Variants in ARMC9 observed in about 807,000 individuals in gnomAD.
ARMC9 encodes lisH domain-containing protein ARMC9.
ARMC9 carries 94 observed loss-of-function variants against 107.0 expected under a neutral mutation model. The ratio of observed to expected loss-of-function variants is 0.88; its 90% CI spans 0.74 to 1.04. The LOEUF (loss-of-function observed/expected upper bound fraction) is 1.04. ARMC9 is among the 50% of genes least tolerant of loss of function. ARMC9 has a pLI of 0.00. For synonymous variants in ARMC9, 380 were observed against 396.9 expected, an observed-to-expected ratio of 0.96 and a Z score of 0.51; for missense variants, 942 against 1,030.1, an observed-to-expected ratio of 0.91 and a Z score of 1.17.
rs533987159 is a variant in ARMC9 at position 231,371,616 on chromosome 2, G to A, written c.*81G>A. On this transcript the variant is annotated 3_prime_UTR_variant, in exon 25 of 25. Transcript: ENST00000611582. ...TCAGCTGGCAGCAGCTGCCGGTGAT[G>A]GATGTGAAGGGACAGTTGTCCACAA... 8.4e-7 allele frequency: 1 copy of A among 1,185,604 alleles called. No homozygotes were observed. The highest frequency in any genetic ancestry group is 3.2e-5 in the East Asian group (1 of 31,472). The allele number at this position is 1,185,604 out of a possible 1,614,324, so 73.4% of individuals were successfully genotyped here.
rs112388463 is a variant in ARMC9, at chr2:231,345,965, C to T, written c.1994+875C>T. On this transcript the variant is annotated intron_variant, in intron 21 of 24. Transcript: ENST00000611582. ...GCCCTCATGGAGCTCTGTGCTGCCA[C>T]GGACACCAGGGACACCAGGCAAGAC... Among the ~76,000 whole-genome samples, 696 of 152,290 alleles carry T rather than the reference C, an allele frequency of 4.6e-3. 3 individuals carry two copies. Among genetic ancestry groups the T allele is most frequent in the African/African-American group, 0.015 (621 of 41,560 alleles).
chr2:231,272,839 AT>A, intron 13 of ARMC9, 115 bp from the exon 14 acceptor site: 1 of 1,349,040 alleles, frequency 7.4e-7, no homozygotes, highest in South Asian at 1.4e-5. Flanking sequence ...AGAACATAAA[AT>A]TACCCAAACT....
intron 10 of ARMC9, among the ~76,000 whole-genome samples, chr2:231,258,329 G>T (rs550723023): frequency 5.9e-5 from 9 of 152,004 alleles, no homozygotes; most frequent in African/African-American, 2.2e-4. Flanking sequence ...CTACAGGCGC[G>T]TGTCACTATG....
chr2:231,217,620 C>A (rs2125325475), intron 5 of ARMC9, among the ~76,000 whole-genome samples: 1 of 151,882 alleles, frequency 6.6e-6, no homozygotes, highest in Admixed American at 6.6e-5. Flanking sequence ...GCTCGAATGG[C>A]AACCTAACAA....
chr2:231,206,841 G>A (rs2032072357), intron 2 of ARMC9, among the ~76,000 whole-genome samples: 1 of 152,186 alleles, frequency 6.6e-6, no homozygotes, highest in South Asian at 2.1e-4. Context: ...AAACTTTCTG[G>A]TGCTAAAGAA....
intron 5 of ARMC9, among the ~76,000 whole-genome samples, chr2:231,217,070 A>G (rs1225250400): frequency 6.6e-6 from 1 of 152,228 alleles, no homozygotes; most frequent in Non-Finnish European, 1.5e-5. Flanking sequence ...AGCAAAAACT[A>G]GGAACAACCC....
At chr2:231,285,641 G>A (rs565091508) in intron 17 of ARMC9, among the ~76,000 whole-genome samples, 19 of 134,976 alleles carry the variant, frequency 1.4e-4, no homozygotes, top group East Asian at 1.1e-3. Context: ...GTGAGACTCC[G>A]TCTCAAAAAA....
chr2:231,265,461 T>A (rs1252565761), intron 12 of ARMC9, among the ~76,000 whole-genome samples: 1 of 152,194 alleles, frequency 6.6e-6, no homozygotes, highest in African/African-American at 2.4e-5. Flanking sequence ...TGGATGGAGC[T>A]GGAGGCCTTA....
At position 231,282,106 on chromosome 2, in the gene ARMC9, A is replaced by G. The variant is rs562674810; in HGVS notation, c.1599A>G (p.Pro533=). 1 of 1,614,124 alleles carries G rather than the reference A, an allele frequency of 6.2e-7. No individual in the cohort carries two copies. ...CTCTGTACAGCATCCTTTCTGTTCC[A>G]TCCATTCGTGAGGAAGCAAGAGCAA... The part of the protein sequence containing the change: ...NGALYSILSV[P]SIREEARAMG... Residue 533 remains proline (P), a synonymous_variant, in exon 17 of 25, where the codon CCA becomes CCG. Transcript: ENST00000611582.
intron 12 of ARMC9, among the ~76,000 whole-genome samples, chr2:231,268,922 C>G (rs1397558193): frequency 1.3e-5 from 2 of 152,012 alleles, no homozygotes; most frequent in Admixed American, 6.6e-5. Context: ...TTTAAATTAA[C>G]CAGGCATGTT....
At chr2:231,261,353 T>G (rs1278649524) in intron 11 of ARMC9, among the ~76,000 whole-genome samples, 1 of 152,238 alleles carries the variant, frequency 6.6e-6, no homozygotes, top group Non-Finnish European at 1.5e-5. Context: ...TGTAGCAACA[T>G]GACAGACTTA....
chr2:231,250,881 C>T (rs1426846687), intron 9 of ARMC9, among the ~76,000 whole-genome samples: 3 of 152,028 alleles, frequency 2.0e-5, no homozygotes, highest in African/African-American at 7.3e-5. Context: ...TTGCTCAGTC[C>T]CTGTGTTTGC....
chr2:231,271,908 T>G (rs924674608), intron 13 of ARMC9, among the ~76,000 whole-genome samples: 11 of 152,158 alleles, frequency 7.2e-5, no homozygotes, highest in African/African-American at 2.4e-4. Flanking sequence ...AAGCATTCCT[T>G]GGCTGCCTCT....
At chr2:231,334,137 C>G (rs16827942) in intron 20 of ARMC9, among the ~76,000 whole-genome samples, 19,814 of 152,242 alleles carry the variant, frequency 0.13, 4,342 homozygotes, top group African/African-American at 0.45. Flanking sequence ...CATGGGTGGA[C>G]ATGTGAGTAC....
Position 231,239,949 on chromosome 2 carries a change from C to G in ARMC9, c.787C>G (p.Pro263Ala), listed in dbSNP as rs770729150. Residue 263 changes from proline to alanine, a missense_variant, in exon 9 of 25, where the codon CCT becomes GCT. Physicochemically the swap from Pro to Ala is conservative, Grantham distance 27. Coordinates refer to ENST00000611582, the MANE Select transcript of ARMC9 (RefSeq NM_001352754.2). ...EATVSGKMITPEYLQSVCVRL... is the reference protein window; with the variant it reads ...EATVSGKMITAEYLQSVCVRL... The stretch of plus-strand genomic sequence containing the variant: ...CTTTGTATCCTCCTTGCAGATCACC[C>G]CTGAGTACCTCCAGAGCGTCTGTGT... 2 of 1,613,866 alleles carry G rather than the reference C, an allele frequency of 1.2e-6. No homozygotes were observed. Among genetic ancestry groups the G allele is most frequent in the Admixed American group, 1.7e-5 (1 of 60,006 alleles).
intron 20 of ARMC9, among the ~76,000 whole-genome samples, chr2:231,343,025 T>A (rs1250794380): frequency 1.3e-5 from 2 of 152,156 alleles, no homozygotes; most frequent in African/African-American, 4.8e-5. Context: ...GTGATTCTCC[T>A]GCCTCAGCCT....
At chr2:231,224,718 A>G (rs914094528) in intron 6 of ARMC9, among the ~76,000 whole-genome samples, 1 of 152,242 alleles carries the variant, frequency 6.6e-6, no homozygotes, top group African/African-American at 2.4e-5. Context: ...GTTCAGTTCA[A>G]TACATTAAGC....
chr2:231,350,304 G>A (rs750802425), intron 21 of ARMC9, among the ~76,000 whole-genome samples: 28 of 152,200 alleles, frequency 1.8e-4, no homozygotes, highest in South Asian at 2.1e-4. Context: ...GGGATTACAG[G>A]TGTGAGCCAC....
intron 5 of ARMC9, among the ~76,000 whole-genome samples, chr2:231,218,300 G>A (rs2033748179): frequency 1.3e-5 from 2 of 151,810 alleles, no homozygotes; most frequent in South Asian, 4.2e-4. Context: ...TGGTTAAGAA[G>A]GTGATTAAAT....
Sources: gnomAD v4.1 joint callset for allele counts (sites outside exome capture counted in the v4.1 genomes callset) on GRCh38, gnomAD v4.1.1 for gene constraint, MANE v1.5 for transcripts, NCBI Gene and HGNC (gene_info 2026-07-23, HGNC 2026-07-21) for gene names.